Variants in STAG1 observed in about 807,000 individuals in gnomAD.
The protein encoded by STAG1 is STAG1 cohesin complex component.
A neutral mutation model predicts 170.9 loss-of-function variants in STAG1; 26 were observed. The observed-to-expected ratio is 0.15, with a 90% CI of 0.11 to 0.21. STAG1 has a LOEUF of 0.21. Ranked by LOEUF, STAG1 falls within the 10% of genes least tolerant of loss-of-function variation. The pLI is 1.00. For synonymous variants in STAG1, 514 were observed against 497.7 expected (o/e 1.03, Z -0.44); for missense variants, 964 against 1,509.5 (o/e 0.64, Z 5.99).
chr3:136,528,496 C>T (rs1224486759), intron 6 of STAG1, among the ~76,000 whole-genome samples: 3 of 55,336 alleles, frequency 5.4e-5, no homozygotes, highest in African/African-American at 8.6e-5. Flanking sequence ...GTCCCCGCAC[C>T]CCCCCCCCCA....
chr3:136,472,547 C>G, intron 11 of STAG1, 55 bp from the exon 12 acceptor site: 1 of 1,243,664 alleles, frequency 8.0e-7, no homozygotes, highest in Non-Finnish European at 1.2e-6. Context: ...TAAGCTGGGA[C>G]AGATCTAATA....
At chr3:136,567,086 G>C (rs1937104310) in intron 5 of STAG1, among the ~76,000 whole-genome samples, 8 of 152,002 alleles carry the variant, frequency 5.3e-5, no homozygotes. Context: ...AGATGGATGG[G>C]AAGACAGAAA....
At position 136,417,820 on chromosome 3, in the gene STAG1, A is replaced by G. The variant is rs548056011; in HGVS notation, c.2196+65T>C. 26 of 1,201,866 alleles carry G rather than the reference A, an allele frequency of 2.2e-5. No homozygotes were observed. The African/African-American group carries it at 3.4e-4, about 16-fold the overall frequency. 74.5% of individuals were successfully genotyped at this position (1,201,866 alleles called of 1,614,324 possible). A position where few individuals can be genotyped will look rare whatever the true frequency, so the allele number is the denominator to read the frequency against. On this transcript the variant is annotated intron_variant, in intron 21 of 33. Transcript: ENST00000383202. Reference sequence around the variant, plus strand: ...TTACTTTCTATAAAAGGCTTCTGATAATCATATGACTTCAGAAAAACAACT... The same window carrying G: ...TTACTTTCTATAAAAGGCTTCTGATGATCATATGACTTCAGAAAAACAACT...
rs144518159 is a variant in STAG1 at position 136,448,428 on chromosome 3, T to C, written c.1428+3605A>G. The stretch of plus-strand genomic sequence containing the variant: ...AGGAAGAGCAAAGGGACATCTTACA[T>C]GGTGGCAGGCAAGAGAGCTTGTGCA... On this transcript the variant is annotated intron_variant, in intron 14 of 33. Transcript: ENST00000383202. Among the ~76,000 whole-genome samples the C allele has an allele frequency of 3.8e-3, 586 of 152,234 alleles. 7 individuals carry two copies. Among genetic ancestry groups the C allele is most frequent in the African/African-American group, 0.014 (569 of 41,544 alleles).
chr3:136,569,037 A>T (rs1297164097), intron 4 of STAG1, among the ~76,000 whole-genome samples, 176 bp from the exon 5 acceptor site: 1 of 152,176 alleles, frequency 6.6e-6, no homozygotes, highest in East Asian at 1.9e-4. Flanking sequence ...TTTAAAGGCC[A>T]ATAAAAAGTG....
intron 9 of STAG1, among the ~76,000 whole-genome samples, chr3:136,497,161 A>C (rs1933153056): frequency 6.6e-6 from 1 of 152,232 alleles, no homozygotes; most frequent in Non-Finnish European, 1.5e-5. Context: ...TCTTATCTGA[A>C]GAAGAAATAA....
intron 1 of STAG1, among the ~76,000 whole-genome samples, chr3:136,733,803 A>G (rs1053831398): frequency 4.6e-5 from 7 of 152,336 alleles, no homozygotes; most frequent in East Asian, 3.9e-4. Flanking sequence ...CCTTGGCACT[A>G]TAAGAATTTC....
intron 2 of STAG1, among the ~76,000 whole-genome samples, chr3:136,624,470 A>G (rs185167070): frequency 6.6e-6 from 1 of 152,168 alleles, no homozygotes; most frequent in Non-Finnish European, 1.5e-5. Context: ...GGTGGTTTCT[A>G]TTTTTGTTCA....
At chr3:136,626,316 C>A (rs1940089760) in intron 2 of STAG1, among the ~76,000 whole-genome samples, 1 of 149,728 alleles carries the variant, frequency 6.7e-6, no homozygotes, top group African/African-American at 2.5e-5. Flanking sequence ...GTCCCAGCTA[C>A]TTGGGAGGCT....
intron 1 of STAG1, among the ~76,000 whole-genome samples, chr3:136,723,410 T>C (rs1247155098): frequency 1.0e-4 from 15 of 149,504 alleles, no homozygotes; most frequent in Non-Finnish European, 2.1e-4. Context: ...GAGGAGCGTC[T>C]CTGCCCAGCC....
At chr3:136,358,013 T>C (rs1936720100) in intron 27 of STAG1, among the ~76,000 whole-genome samples, 165 bp from the exon 28 acceptor site, 1 of 152,026 alleles carries the variant, frequency 6.6e-6, no homozygotes. Context: ...CATATTTGTG[T>C]ATATTTATAG....
rs55696965 is a variant in STAG1 at position 136,542,638 on chromosome 3, TA to T, written c.395-444del. On this transcript the variant is annotated intron_variant, in intron 5 of 33. Transcript: ENST00000383202. ...TAACACATGTGCAAAGTAATGAATGTAAAAGGTTATCCCTGAAGCACTGTTT... is the reference window on the plus strand; with the variant it reads ...TAACACATGTGCAAAGTAATGAATGTAAAGGTTATCCCTGAAGCACTGTTT... 1.2e-3 allele frequency among the ~76,000 whole-genome samples: 186 copies of T among 148,914 alleles called. 1 individual carries two copies. The highest frequency in any genetic ancestry group is 0.01 in the Middle Eastern group (3 of 290).
chr3:136,451,898 A>G (rs776340337), intron 14 of STAG1, 135 bp downstream of exon 14: 8 of 609,134 alleles, frequency 1.3e-5, no homozygotes, highest in African/African-American at 1.9e-5. Context: ...GACTGATTCT[A>G]TATCATGCAA....
rs530313958 is a variant in STAG1, at chr3:136,486,568, G to T, written c.903-9156C>A. Among the ~76,000 whole-genome samples, 3 of 152,246 alleles carry T rather than the reference G, an allele frequency of 2.0e-5. No homozygotes were observed. In the South Asian group the frequency reaches 6.2e-4, roughly 32 times the overall value. Reference sequence around the variant, plus strand: ...ATTTTTCCTCTGCTATACTACCCTTGTAAAAGTCAATTCTATAAAAACCAG... The same window carrying T: ...ATTTTTCCTCTGCTATACTACCCTTTTAAAAGTCAATTCTATAAAAACCAG... On this transcript the variant is annotated intron_variant, in intron 9 of 33. Coordinates refer to ENST00000383202, the MANE Select transcript of STAG1 (RefSeq NM_005862.3).
intron 2 of STAG1, among the ~76,000 whole-genome samples, chr3:136,624,642 T>C (rs553676396): frequency 6.6e-6 from 1 of 152,244 alleles, no homozygotes; most frequent in Non-Finnish European, 1.5e-5. Flanking sequence ...GACCATCCGA[T>C]ACACCTTTAA....
At chr3:136,614,903 C>G (rs34274831) in intron 3 of STAG1, among the ~76,000 whole-genome samples, 64 of 151,870 alleles carry the variant, frequency 4.2e-4, no homozygotes, top group Non-Finnish European at 8.1e-4. Flanking sequence ...TTTTTGGGGA[C>G]TGCATAATGC....
At position 136,500,294 on chromosome 3, in the gene STAG1, C is replaced by T. The variant is rs1933395015; in HGVS notation, c.831G>A (p.Leu277=). ...TTTCGATTTCATCCTGATTTTCTTG[C>T]AGCTGAAATGAAAAAATATATATAA... ...LELLLQKRKE[L]QENQDEIENM... Residue 277 remains leucine, a splice_region_variant and synonymous_variant, in exon 9 of 34, where the codon CTG becomes CTA. Coordinates refer to ENST00000383202, the MANE Select transcript of STAG1 (RefSeq NM_005862.3). The T allele has an allele frequency of 1.9e-6, 3 of 1,581,214 alleles. No homozygotes were observed. The highest frequency in any genetic ancestry group is 2.6e-6 in the Non-Finnish European group (3 of 1,156,700).
chr3:136,663,889 C>T (rs1162662325), intron 1 of STAG1, among the ~76,000 whole-genome samples: 2 of 151,794 alleles, frequency 1.3e-5, no homozygotes, highest in Non-Finnish European at 2.9e-5. Context: ...AAAAAGTAAG[C>T]AAAGGAAACT....
At chr3:136,338,533 G>A (rs1027690654) in intron 32 of STAG1, 83 bp from the exon 33 acceptor site, 32 of 1,020,826 alleles carry the variant, frequency 3.1e-5, no homozygotes, top group African/African-American at 2.9e-4. Context: ...ATTTCTGACA[G>A]TATCATAAAT....
Sources: gnomAD v4.1 joint callset for allele counts (sites outside exome capture counted in the v4.1 genomes callset) on GRCh38, gnomAD v4.1.1 for gene constraint, MANE v1.5 for transcripts, NCBI Gene and HGNC (gene_info 2026-07-23, HGNC 2026-07-21) for gene names.